Variants in CWF19L1 observed in about 807,000 individuals in gnomAD.
The protein encoded by CWF19L1 is CWF19 like cell cycle control factor 1, also known as CWF19-like protein 1.
Under a neutral mutation model 69.7 loss-of-function variants are expected in CWF19L1, and 60 were observed. The observed-to-expected ratio is 0.86, with a 90% confidence interval of 0.70 to 1.07. CWF19L1 has a LOEUF of 1.07. CWF19L1 is among the 50% of genes least tolerant of loss of function. The pLI, the probability that CWF19L1 is intolerant of heterozygous loss-of-function variation, is 0.00. For synonymous variants in CWF19L1, 209 were observed against 222.2 expected, an observed-to-expected ratio of 0.94 and a Z score of 0.53; for missense variants, 591 against 638.9, an observed-to-expected ratio of 0.92 and a Z score of 0.81.
At chr10:100,242,014 C>T (rs11817486) in intron 10 of CWF19L1, among the ~76,000 whole-genome samples, 32,486 of 151,998 alleles carry the variant, frequency 0.21, 6,499 homozygotes, top group African/African-American at 0.53. Context: ...CAATGGTCTA[C>T]AGAAAACCCA....
At chr10:100,243,653 C>A (rs1384021557) in intron 10 of CWF19L1, 45 bp downstream of exon 10, 2 of 1,491,862 alleles carry the variant, frequency 1.3e-6, no homozygotes, top group African/African-American at 1.4e-5. Flanking sequence ...TAATAAAAAA[C>A]AAATAGGCAT....
In CWF19L1 at chr10:100,267,334, G is replaced by A. The variant is rs7909663; in HGVS notation, c.23+237C>T. On this transcript the variant is annotated intron_variant, in intron 1 of 13. Coordinates refer to ENST00000354105, the MANE Select transcript of CWF19L1 (RefSeq NM_018294.6). ...CCTAAGATGGAGGAGGCCTAACTCT[G>A]GGAGCTTCCGCCTCTCCGAACGAGC... 9,790 of 706,112 alleles carry A rather than the reference G, an allele frequency of 0.014. 803 individuals carry two copies. In the African/African-American group the frequency reaches 0.17, roughly 13 times the overall value. The allele number at this position is 706,112 out of a possible 1,614,324, so 43.7% of individuals were successfully genotyped here.
In CWF19L1 at chr10:100,238,227, T is replaced by G; in HGVS notation, c.1049A>C (p.Tyr350Ser). The G allele has an allele frequency of 6.2e-7, 1 of 1,614,060 alleles. No individual in the cohort carries two copies. The highest frequency in any genetic ancestry group is 8.5e-7 in the Non-Finnish European group (1 of 1,179,954). The change falls in exon 11 of 14, where the codon TAC becomes TCC. Residue 350 changes from tyrosine to serine, a missense_variant. By Grantham distance (144) the Tyr-to-Ser change is moderately radical (BLOSUM62 -2). Coordinates refer to ENST00000354105, the MANE Select transcript of CWF19L1 (RefSeq NM_018294.6). ...TAAGCCTCCTTTGGCCAGGGCAAGG[T>G]AGCACTGAAGAAGCAGCACACAGAA... ...HLVVNIGTHC[Y>S]LALAKGGLSD...
At chr10:100,244,900 C>G (rs1009511481) in intron 9 of CWF19L1, among the ~76,000 whole-genome samples, 54 of 152,232 alleles carry the variant, frequency 3.5e-4, no homozygotes, top group Admixed American at 1.5e-3. Context: ...AGTGATCCAC[C>G]CGCTTCGGCC....
chr10:100,237,582 T>A (rs1235560575), intron 11 of CWF19L1, among the ~76,000 whole-genome samples: 2 of 152,164 alleles, frequency 1.3e-5, no homozygotes, highest in East Asian at 1.9e-4. Flanking sequence ...AAAAACTTTT[T>A]AAATGAATGT....
At chr10:100,254,917 C>T (rs1380116795) in intron 5 of CWF19L1, among the ~76,000 whole-genome samples, 2 of 152,194 alleles carry the variant, frequency 1.3e-5, no homozygotes, top group Non-Finnish European at 2.9e-5. Context: ...AGGAAGAGAG[C>T]ATCCTCCTTG....
At chr10:100,245,387 G>T (rs1222600499) in intron 9 of CWF19L1, among the ~76,000 whole-genome samples, 3 of 152,128 alleles carry the variant, frequency 2.0e-5, no homozygotes, top group Non-Finnish European at 4.4e-5. Context: ...TTAGGACAAA[G>T]AAAATTGCTT....
intron 1 of CWF19L1, among the ~76,000 whole-genome samples, chr10:100,265,482 C>CCT (rs1564865443): frequency 9.7e-4 from 138 of 142,160 alleles, no homozygotes; most frequent in African/African-American, 3.4e-3. Flanking sequence ...AGGTTGTGCC[C>CCT]TTTTTTTTTT....
At chr10:100,260,603 A>G (rs1415374563) in intron 3 of CWF19L1, among the ~76,000 whole-genome samples, 1 of 151,808 alleles carries the variant, frequency 6.6e-6, no homozygotes, top group African/African-American at 2.4e-5. Flanking sequence ...GCTCACTGCA[A>G]TCTCCGCCTC....
chr10:100,234,519 C>G (rs1302255048), intron 13 of CWF19L1, among the ~76,000 whole-genome samples: 1 of 152,306 alleles, frequency 6.6e-6, no homozygotes, highest in Non-Finnish European at 1.5e-5. Flanking sequence ...AACATCACGT[C>G]AGATGTCTGA....
intron 10 of CWF19L1, among the ~76,000 whole-genome samples, chr10:100,238,691 A>G (rs1379898987): frequency 6.6e-6 from 1 of 152,176 alleles, no homozygotes; most frequent in Non-Finnish European, 1.5e-5. Flanking sequence ...AAACTTTGAG[A>G]GGCCGAGGCA....
chr10:100,251,231 A>G (rs888398763), intron 6 of CWF19L1, among the ~76,000 whole-genome samples: 1 of 152,218 alleles, frequency 6.6e-6, no homozygotes, highest in Non-Finnish European at 1.5e-5. Context: ...ATCTTGGGAC[A>G]GGAATAAAAT....
At chr10:100,260,466 A>C in intron 3 of CWF19L1, 147 bp from the exon 4 acceptor site, 1 of 545,300 alleles carries the variant, frequency 1.8e-6, no homozygotes, top group South Asian at 2.6e-5. Context: ...TAAATGTGGA[A>C]CAGCTATCCA....
chr10:100,255,739 G>A (rs552785511), intron 5 of CWF19L1, among the ~76,000 whole-genome samples: 1 of 149,442 alleles, frequency 6.7e-6, no homozygotes, highest in Non-Finnish European at 1.5e-5. Context: ...CTCCAGCCTG[G>A]GTGACACAGC....
chr10:100,263,880 C>A (rs1178845545), intron 1 of CWF19L1, among the ~76,000 whole-genome samples: 1 of 152,234 alleles, frequency 6.6e-6, no homozygotes, highest in Non-Finnish European at 1.5e-5. Flanking sequence ...TTGTTCTCCA[C>A]ATTGCAGACA....
At chr10:100,248,356 C>A in intron 7 of CWF19L1, 1 of 914,140 alleles carries the variant, frequency 1.1e-6, no homozygotes, top group Non-Finnish European at 1.8e-6. Context: ...AATGTGGATG[C>A]TGAGCAAAGA....
intron 7 of CWF19L1, chr10:100,248,570 G>C: frequency 1.4e-6 from 1 of 729,876 alleles, no homozygotes; most frequent in Admixed American, 1.8e-5. Flanking sequence ...CAGCTTCCTC[G>C]CATCTTGACC....
Position 100,238,007 on chromosome 10 carries a change from G to T in CWF19L1, c.1254+15C>A. 1 of 1,612,048 alleles carries T rather than the reference G, an allele frequency of 6.2e-7. No individual in the cohort carries two copies. The highest frequency in any genetic ancestry group is 1.1e-5 in the South Asian group (1 of 90,962). ...CCATAGCGCCCTTCCAAGTTTCTAT[G>T]AACAGACCACCTACCTGTAGCTGGA... On this transcript the variant is annotated intron_variant, in intron 11 of 13. Coordinates refer to ENST00000354105, the MANE Select transcript of CWF19L1 (RefSeq NM_018294.6).
At chr10:100,253,959 C>A (rs1182200281) in intron 5 of CWF19L1, 1 of 153,406 alleles carries the variant, frequency 6.5e-6, no homozygotes, top group Non-Finnish European at 1.4e-5. Flanking sequence ...CTCACTGCAA[C>A]CTCTGCATCC....
Sources: gnomAD v4.1 joint callset for allele counts (sites outside exome capture counted in the v4.1 genomes callset) on GRCh38, gnomAD v4.1.1 for gene constraint, MANE v1.5 for transcripts, NCBI Gene and HGNC (gene_info 2026-07-23, HGNC 2026-07-21) for gene names.